The following ITSN1 variants were observed in gnomAD, a reference collection of about 807,000 sequenced individuals.
ITSN1 encodes the protein intersectin 1, also known as intersectin-1.
In ITSN1, 58 loss-of-function variants were observed where a neutral mutation model predicts 239.8. That is an observed-to-expected ratio of 0.24 (90% CI 0.20 to 0.30). ITSN1 has a LOEUF of 0.30. Ranked by LOEUF, ITSN1 falls within the 10% of genes least tolerant of loss-of-function variation. ITSN1 has a pLI of 1.00. For missense variants in ITSN1, 1,558 were observed against 2,103.3 expected (o/e 0.74, Z 5.07); for synonymous variants, 780 against 770.8 (o/e 1.01, Z -0.20).
At chr21:33,723,152 G>A (rs1053063537) in intron 4 of ITSN1, among the ~76,000 whole-genome samples, 14 of 152,208 alleles carry the variant, frequency 9.2e-5, no homozygotes, top group African/African-American at 3.1e-4. Flanking sequence ...GAAATACAGA[G>A]AGTATAATAA....
At chr21:33,708,082 T>C (rs1470988212) in intron 1 of ITSN1, among the ~76,000 whole-genome samples, 1 of 152,216 alleles carries the variant, frequency 6.6e-6, no homozygotes, top group Non-Finnish European at 1.5e-5. Flanking sequence ...AGTGGAAATA[T>C]AGTGGCATAT....
intron 1 of ITSN1, among the ~76,000 whole-genome samples, chr21:33,668,818 A>G (rs988193972): frequency 6.6e-6 from 1 of 152,328 alleles, no homozygotes; most frequent in East Asian, 1.9e-4. Flanking sequence ...CACACTTGGC[A>G]CAGGAATTCC....
In ITSN1 at chr21:33,768,441, C is replaced by T. The variant is rs754764618; in HGVS notation, c.1042+613C>T. The stretch of plus-strand genomic sequence containing the variant: ...GGACTACAGGCACATGCACCACGCC[C>T]GGCTAATTTTTGTATTTTTAGTAGA... On this transcript the variant is annotated intron_variant, in intron 11 of 39. Transcript: ENST00000381318. Among the ~76,000 whole-genome samples, 7 of 151,950 alleles carry T rather than the reference C, an allele frequency of 4.6e-5. No individual in the cohort carries two copies. In the East Asian group the frequency reaches 5.8e-4, roughly 13 times the overall value.
intron 11 of ITSN1, among the ~76,000 whole-genome samples, chr21:33,768,742 C>T (rs1394255431): frequency 3.3e-5 from 5 of 152,282 alleles, no homozygotes; most frequent in South Asian, 2.1e-4. Flanking sequence ...TGTCATTTTG[C>T]TGCATTTAAG....
At chr21:33,849,037 T>C (rs2075074096) in intron 29 of ITSN1, among the ~76,000 whole-genome samples, 1 of 152,128 alleles carries the variant, frequency 6.6e-6, no homozygotes, top group Non-Finnish European at 1.5e-5. Flanking sequence ...AGTCAGGAGT[T>C]TGAGACCAGC....
chr21:33,883,140 G>A (rs1170001340), intron 35 of ITSN1, among the ~76,000 whole-genome samples: 1 of 152,228 alleles, frequency 6.6e-6, no homozygotes, highest in Non-Finnish European at 1.5e-5. Context: ...ATTGCTTGAT[G>A]TAAAGTGGAT....
At chr21:33,746,581 G>A (rs1233104532) in intron 5 of ITSN1, among the ~76,000 whole-genome samples, 1 of 152,170 alleles carries the variant, frequency 6.6e-6, no homozygotes. Context: ...TGGCTCACAC[G>A]TGTAATCCCA....
chr21:33,643,805 G>GATT (rs748920126), intron 1 of ITSN1: 17 of 152,154 alleles, frequency 1.1e-4, no homozygotes, highest in Non-Finnish European at 2.1e-4. Context: ...AAAACGTACA[G>GATT]ATAATAAAGG....
intron 1 of ITSN1, among the ~76,000 whole-genome samples, chr21:33,691,618 G>A (rs2091551195): frequency 6.6e-6 from 1 of 152,134 alleles, no homozygotes; most frequent in African/African-American, 2.4e-5. Context: ...AGTCTGCTTG[G>A]GCTACTGTAA....
At chr21:33,794,593 T>G in intron 17 of ITSN1, 125 bp downstream of exon 17, 1 of 1,284,092 alleles carries the variant, frequency 7.8e-7, no homozygotes, top group South Asian at 1.5e-5. Flanking sequence ...GCATGTGAAG[T>G]GTGAGTGCAA....
chr21:33,830,404 A>T (rs929201175), intron 27 of ITSN1, among the ~76,000 whole-genome samples: 10 of 152,190 alleles, frequency 6.6e-5, no homozygotes, highest in Non-Finnish European at 2.9e-5. Context: ...ATCACTCATG[A>T]TCTGCAGGGG....
chr21:33,664,152 A>T (rs890625076), intron 1 of ITSN1, among the ~76,000 whole-genome samples: 10 of 152,146 alleles, frequency 6.6e-5, no homozygotes, highest in African/African-American at 2.4e-4. Context: ...TTTATAAAGA[A>T]AAAGGTTTAT....
intron 31 of ITSN1, among the ~76,000 whole-genome samples, chr21:33,864,749 C>T (rs1467554095): frequency 6.6e-6 from 1 of 152,178 alleles, no homozygotes; most frequent in Non-Finnish European, 1.5e-5. Flanking sequence ...CATCCTTCCC[C>T]ATCCTCTGGC....
intron 1 of ITSN1, among the ~76,000 whole-genome samples, chr21:33,679,249 T>C (rs2090783963): frequency 6.6e-6 from 1 of 152,224 alleles, no homozygotes. Context: ...TACATATATA[T>C]GCATAGTATT....
chr21:33,656,685 G>A (rs1276320476), intron 1 of ITSN1, among the ~76,000 whole-genome samples: 4 of 151,986 alleles, frequency 2.6e-5, no homozygotes, highest in East Asian at 3.9e-4. Context: ...GGTCTGTGGC[G>A]TGCCACTTGT....
intron 8 of ITSN1, among the ~76,000 whole-genome samples, chr21:33,760,494 C>A (rs1341592651): frequency 6.6e-6 from 1 of 152,118 alleles, no homozygotes; most frequent in Admixed American, 6.5e-5. Flanking sequence ...GAACTATTGT[C>A]AGTAATGTTA....
intron 1 of ITSN1, among the ~76,000 whole-genome samples, chr21:33,680,157 T>C (rs917804006): frequency 6.6e-6 from 1 of 152,146 alleles, no homozygotes; most frequent in Non-Finnish European, 1.5e-5. Context: ...GAAAAATAAC[T>C]TCTAGTTAAT....
At chr21:33,671,139 A>G (rs2090249310) in intron 1 of ITSN1, among the ~76,000 whole-genome samples, 1 of 152,214 alleles carries the variant, frequency 6.6e-6, no homozygotes, top group Non-Finnish European at 1.5e-5. Flanking sequence ...TGTTCTGCAC[A>G]ACCTGTTAAA....
At position 33,704,107 on chromosome 21, in the gene ITSN1, C is replaced by CT. The variant is rs2092143165; in HGVS notation, c.-32-14684dup. On this transcript the variant is annotated intron_variant, in intron 1 of 39. Coordinates refer to ENST00000381318, the MANE Select transcript of ITSN1 (RefSeq NM_003024.3). ...ATAGAGATAGAACTGATTTCGTTCACTTTTTTCTTTTCTTAACTGCTCTAG... is the reference window on the plus strand; with the variant it reads ...ATAGAGATAGAACTGATTTCGTTCACTTTTTTTCTTTTCTTAACTGCTCTAG... Among the ~76,000 whole-genome samples, 5 of 152,240 alleles carry CT rather than the reference C, an allele frequency of 3.3e-5. No individual in the cohort carries two copies. The South Asian group carries it at 1.0e-3, about 32-fold the overall frequency.
Sources: allele counts gnomAD v4.1 joint callset (sites outside exome capture counted in the v4.1 genomes callset), GRCh38; gene constraint gnomAD v4.1.1; transcripts MANE v1.5; gene names NCBI Gene and HGNC (gene_info 2026-07-23, HGNC 2026-07-21).